The following NIPBL variants were observed in gnomAD, a reference collection of about 807,000 sequenced individuals.
The protein encoded by NIPBL is NIPBL cohesin loading factor, also known as nipped-B-like protein.
Under a neutral mutation model 321.8 loss-of-function variants are expected in NIPBL, and 19 were observed. That is an observed-to-expected ratio of 0.06 (90% CI 0.04 to 0.09). The LOEUF (loss-of-function observed/expected upper bound fraction) is 0.09, where lower values mean the gene tolerates loss of function less well. Among genes scored for constraint, NIPBL ranks in the 10% least tolerant of loss-of-function variants. NIPBL has a pLI of 1.00. For synonymous variants in NIPBL, 1,106 were observed against 1,114.1 expected (o/e 0.99, Z 0.14); for missense variants, 2,210 against 3,327.0 (o/e 0.66, Z 8.26).
intron 24 of NIPBL, among the ~76,000 whole-genome samples, chr5:37,017,549 C>T (rs1364994059): frequency 6.9e-6 from 1 of 144,762 alleles, no homozygotes; most frequent in African/African-American, 2.6e-5. Flanking sequence ...GTGAGGAGAG[C>T]TTTTTTATAC....
At chr5:37,028,928 C>A (rs1333144010) in intron 32 of NIPBL, among the ~76,000 whole-genome samples, 1 of 152,186 alleles carries the variant, frequency 6.6e-6, no homozygotes, top group Non-Finnish European at 1.5e-5. Context: ...TCTGTAGAAT[C>A]TCCCACATTC....
intron 1 of NIPBL, among the ~76,000 whole-genome samples, chr5:36,941,332 A>G (rs983937436): frequency 5.9e-5 from 9 of 152,030 alleles, no homozygotes; most frequent in African/African-American, 1.9e-4. Context: ...CCTCTTTTCT[A>G]TACCCCCCAA....
At chr5:36,936,521 T>C (rs904801313) in intron 1 of NIPBL, among the ~76,000 whole-genome samples, 1 of 152,142 alleles carries the variant, frequency 6.6e-6, no homozygotes, top group African/African-American at 2.4e-5. Flanking sequence ...CATTCTGTTA[T>C]ATTTGCACAG....
intron 10 of NIPBL, among the ~76,000 whole-genome samples, chr5:36,987,813 C>T (rs907652808): frequency 4.6e-5 from 7 of 151,998 alleles, no homozygotes; most frequent in African/African-American, 1.7e-4. Context: ...TTTTATTTAA[C>T]TTGAATGCAT....
chr5:36,950,730 G>A (rs774997276), intron 1 of NIPBL, among the ~76,000 whole-genome samples: 5 of 152,136 alleles, frequency 3.3e-5, no homozygotes, highest in South Asian at 2.1e-4. Flanking sequence ...TCAGTTTTAC[G>A]AAAAACAATA....
At chr5:37,044,609 T>C in intron 35 of NIPBL, 27 bp from the exon 36 acceptor site, 1 of 1,600,666 alleles carries the variant, frequency 6.2e-7, no homozygotes, top group Non-Finnish European at 8.5e-7. Flanking sequence ...TTTTAACTTT[T>C]ATCTAAACAT....
chr5:36,953,721 C>G lies in NIPBL; in HGVS notation c.25C>G (p.Pro9Ala). MNGDMPHV[P>A]ITTLAGIASL... ...GATGAATGGGGATATGCCCCATGTC[C>G]CCATTACTACTCTTGCGGGGATTGC... The change falls in exon 2 of 47, where the codon CCC becomes GCC. Residue 9 changes from proline (P) to alanine (A), a missense_variant. Around this residue, in one of 14 missense-constraint regions of NIPBL, gnomAD observed 28 missense variants for 65.5 expected, o/e 0.43. Transcript: ENST00000282516. 1 of 1,613,872 alleles carries G rather than the reference C, an allele frequency of 6.2e-7. No homozygotes were observed. Among genetic ancestry groups the G allele is most frequent in the Non-Finnish European group, 8.5e-7 (1 of 1,179,814 alleles).
intron 2 of NIPBL, among the ~76,000 whole-genome samples, chr5:36,954,794 C>G (rs1740760491): frequency 6.6e-6 from 1 of 152,116 alleles, no homozygotes; most frequent in South Asian, 2.1e-4. Flanking sequence ...AACAAAGACA[C>G]CTGATATTTT....
chr5:36,938,152 C>T (rs1343279491), intron 1 of NIPBL, among the ~76,000 whole-genome samples: 2 of 152,142 alleles, frequency 1.3e-5, no homozygotes, highest in Non-Finnish European at 2.9e-5. Context: ...ATAGCACTGG[C>T]AGGATTAGGC....
In NIPBL at chr5:36,958,250, G is replaced by A; in HGVS notation, c.358+19G>A. 1.2e-6 allele frequency: 2 copies of A among 1,611,984 alleles called. No homozygotes were observed. Among genetic ancestry groups the A allele is most frequent in the Non-Finnish European group, 1.7e-6 (2 of 1,178,814 alleles). On this transcript the variant is annotated intron_variant, in intron 4 of 46. Transcript: ENST00000282516. ...CAAAGTGGTGAGTTTCTTAATAACT[G>A]AATTCCCATATCAAACTTGTTTTAT...
At chr5:37,033,730 ATTTTTTTTTT>A (rs58081432) in intron 32 of NIPBL, among the ~76,000 whole-genome samples, 7 of 21,502 alleles carry the variant, frequency 3.3e-4, no homozygotes, top group African/African-American at 1.4e-3. Flanking sequence ...ATATATATAT[ATTTTTTTTTT>A]TTTTTTTTTT....
intron 42 of NIPBL, among the ~76,000 whole-genome samples, chr5:37,054,175 G>A (rs1343514784): frequency 7.1e-6 from 1 of 140,764 alleles, no homozygotes; most frequent in South Asian, 2.2e-4. Flanking sequence ...CAGCCTGGCC[G>A]ACAGAGCGAG....
At chr5:37,032,197 T>A (rs1751108204) in intron 32 of NIPBL, among the ~76,000 whole-genome samples, 1 of 152,014 alleles carries the variant, frequency 6.6e-6, no homozygotes, top group Non-Finnish European at 1.5e-5. Flanking sequence ...GTGTAGGGAC[T>A]TGAGTTACAG....
At chr5:37,008,427 C>G (rs972816483) in intron 19 of NIPBL, among the ~76,000 whole-genome samples, 196 bp from the exon 20 acceptor site, 4 of 151,936 alleles carry the variant, frequency 2.6e-5, no homozygotes, top group African/African-American at 9.7e-5. Flanking sequence ...ATTTCATAGT[C>G]CTTTAAATGA....
At chr5:36,906,999 A>T (rs1747688422) in intron 1 of NIPBL, among the ~76,000 whole-genome samples, 1 of 152,242 alleles carries the variant, frequency 6.6e-6, no homozygotes, top group South Asian at 2.1e-4. Flanking sequence ...GTCTTTGCAC[A>T]GATGGTGACT....
At chr5:36,989,652 A>T (rs1252162774) in intron 10 of NIPBL, among the ~76,000 whole-genome samples, 1 of 152,048 alleles carries the variant, frequency 6.6e-6, no homozygotes. Flanking sequence ...AGCCTGGCCA[A>T]CATGGTGAAA....
At chr5:36,878,484 G>A (rs963856092) in intron 1 of NIPBL, among the ~76,000 whole-genome samples, 2 of 152,104 alleles carry the variant, frequency 1.3e-5, no homozygotes, top group Non-Finnish European at 2.9e-5. Flanking sequence ...GTGTACCTGG[G>A]TTACACGTTT....
In NIPBL at chr5:36,961,553, A is replaced by C. The variant is rs770025507; in HGVS notation, c.428A>C (p.Gln143Pro). 6.2e-7 allele frequency: 1 copy of C among 1,609,116 alleles called. No homozygotes were observed. Among genetic ancestry groups the C allele is most frequent in the Non-Finnish European group, 8.5e-7 (1 of 1,175,676 alleles). The change falls in exon 5 of 47, where the codon CAA (glutamine) becomes CCA (proline). Residue 143 changes from glutamine (Q) to proline (P), a missense_variant. Physicochemically the swap from Gln to Pro is moderately conservative, Grantham distance 76. Coordinates refer to ENST00000282516, the MANE Select transcript of NIPBL (RefSeq NM_133433.4). ...AGTAGTCCTGCATCTTCCAATTATC[A>C]ACAAACCACTATCTCACATAGCCCC... Reference protein sequence around the residue: ...MHSSPASSNYQQTTISHSPSS... With the variant: ...MHSSPASSNYPQTTISHSPSS...
At chr5:36,962,904 C>CA (rs1275395772) in intron 6 of NIPBL, among the ~76,000 whole-genome samples, 2 of 152,030 alleles carry the variant, frequency 1.3e-5, no homozygotes, top group African/African-American at 4.8e-5. Flanking sequence ...TAAGCATTTG[C>CA]AGATTTTGGT....
Sources: allele counts gnomAD v4.1 joint callset (sites outside exome capture counted in the v4.1 genomes callset), GRCh38; gene constraint gnomAD v4.1.1; regional missense constraint gnomAD v4.1.1; transcripts MANE v1.5; gene names NCBI Gene and HGNC (gene_info 2026-07-23, HGNC 2026-07-21).